Variants in ADAMTS20 observed in about 807,000 individuals in gnomAD.
ADAMTS20 encodes ADAM metallopeptidase with thrombospondin type 1 motif 20.
A neutral mutation model predicts 260.1 loss-of-function variants in ADAMTS20; 225 were observed. That is an observed-to-expected ratio of 0.87 (90% CI 0.78 to 0.97). The LOEUF (loss-of-function observed/expected upper bound fraction) is 0.97. Ranked by LOEUF, ADAMTS20 falls within the 50% of genes least tolerant of loss-of-function variation. The probability of loss-of-function intolerance (pLI) is 0.00; values close to 1 mark genes in which losing one functional copy is unlikely to be tolerated. For missense variants in ADAMTS20, 2,400 were observed against 2,337.7 expected (o/e 1.03, Z -0.55); for synonymous variants, 802 against 769.5 (o/e 1.04, Z -0.70).
At chr12:43,462,588 G>T (rs1199095370) in intron 11 of ADAMTS20, among the ~76,000 whole-genome samples, 1 of 151,984 alleles carries the variant, frequency 6.6e-6, no homozygotes, top group Non-Finnish European at 1.5e-5. Flanking sequence ...AAAATATTAG[G>T]ACTGTTATAT....
At chr12:43,353,639 C>T (rs1939681729), downstream of ADAMTS20, among the ~76,000 whole-genome samples, 1 of 151,888 alleles carries the variant, frequency 6.6e-6, no homozygotes, top group Non-Finnish European at 1.5e-5. Context: ...GCCCCATAAT[C>T]CACAAGCAAA....
rs147640517 is a variant in ADAMTS20 at position 43,515,338 on chromosome 12, T to C, written c.614-12933A>G. Reference sequence around the variant, plus strand: ...TTCAAATAATTTGATGAAATATTAGTATGAGCTTTTCCTTTTGTTATTAAC... The same window carrying C: ...TTCAAATAATTTGATGAAATATTAGCATGAGCTTTTCCTTTTGTTATTAAC... On this transcript the variant is annotated intron_variant, in intron 3 of 38. Coordinates refer to ENST00000389420, the MANE Select transcript of ADAMTS20 (RefSeq NM_025003.5). Among the ~76,000 whole-genome samples the C allele has an allele frequency of 4.7e-4, 71 of 152,360 alleles. 2 individuals carry two copies. Among genetic ancestry groups the C allele is most frequent in the African/African-American group, 1.6e-3 (66 of 41,598 alleles).
At chr12:43,451,045 A>G (rs1941855555) in intron 14 of ADAMTS20, among the ~76,000 whole-genome samples, 1 of 152,174 alleles carries the variant, frequency 6.6e-6, no homozygotes, top group Non-Finnish European at 1.5e-5. Flanking sequence ...CCATCAGTGG[A>G]TGCATGGATT....
chr12:43,414,650 C>T (rs949209183), intron 28 of ADAMTS20, among the ~76,000 whole-genome samples: 30 of 152,058 alleles, frequency 2.0e-4, no homozygotes, highest in African/African-American at 7.0e-4. Flanking sequence ...GACACACTCA[C>T]TAGAATTGCT....
intron 29 of ADAMTS20, among the ~76,000 whole-genome samples, chr12:43,397,716 G>A (rs1340733803): frequency 1.2e-4 from 19 of 152,122 alleles, no homozygotes; most frequent in Admixed American, 1.2e-3. Context: ...TTTATTTGAT[G>A]AACATTCAAT....
At chr12:43,448,038 C>T (rs1280405589) in intron 14 of ADAMTS20, among the ~76,000 whole-genome samples, 1 of 152,152 alleles carries the variant, frequency 6.6e-6, no homozygotes, top group African/African-American at 2.4e-5. Flanking sequence ...TAGGAAGAAT[C>T]AATATCATTA....
chr12:43,387,922 C>T (rs148221651), intron 29 of ADAMTS20, among the ~76,000 whole-genome samples: 1 of 152,072 alleles, frequency 6.6e-6, no homozygotes, highest in Non-Finnish European at 1.5e-5. Flanking sequence ...GACTGCCGTG[C>T]TGGCAGCAAG....
chr12:43,446,897 T>C (rs915269494), intron 14 of ADAMTS20, 185 bp from the exon 15 acceptor site: 4 of 568,406 alleles, frequency 7.0e-6, no homozygotes, highest in African/African-American at 1.9e-5. Context: ...CTAGAAGAAA[T>C]GGATAAACTC....
At chr12:43,359,538 T>C (rs1009175173) in intron 37 of ADAMTS20, among the ~76,000 whole-genome samples, 1 of 152,208 alleles carries the variant, frequency 6.6e-6, no homozygotes, top group African/African-American at 2.4e-5. Flanking sequence ...TGGATTTAAA[T>C]AGTCGTAATA....
intron 16 of ADAMTS20, among the ~76,000 whole-genome samples, 174 bp from the exon 17 acceptor site, chr12:43,440,243 G>A (rs1450805271): frequency 6.7e-6 from 1 of 149,396 alleles, no homozygotes; most frequent in African/African-American, 2.5e-5. Context: ...TCGCCTCTTG[G>A]ATTCAAACAA....
At position 43,440,010 on chromosome 12, in the gene ADAMTS20, T is replaced by G. The variant is rs1025659718; in HGVS notation, c.2350A>C (p.Lys784Gln). Residue 784 changes from lysine to glutamine, a missense_variant, in exon 17 of 39, where the codon AAA (lysine) becomes CAA (glutamine). Lys to Gln is a moderately conservative substitution (Grantham distance 53, BLOSUM62 1). Transcript: ENST00000389420. ...FNGNFLLSTS[K>Q]KEINVQGTRT... The stretch of plus-strand genomic sequence containing the variant: ...GTTCCTTGCACATTGATTTCTTTTT[T>G]TGACGTACTTAGAAGAAAATTTCCA... 5 of 1,576,612 alleles carry G rather than the reference T, an allele frequency of 3.2e-6. No homozygotes were observed. In the African/African-American group the frequency reaches 6.7e-5, roughly 21 times the overall value.
At chr12:43,399,323 C>T (rs931383593) in intron 28 of ADAMTS20, 90 bp from the exon 29 acceptor site, 2 of 1,100,760 alleles carry the variant, frequency 1.8e-6, no homozygotes, top group African/African-American at 1.6e-5. Context: ...ACAATCCACA[C>T]ATAATTCCTT....
At chr12:43,499,267 A>T (rs946517067) in intron 4 of ADAMTS20, among the ~76,000 whole-genome samples, 2 of 152,184 alleles carry the variant, frequency 1.3e-5, no homozygotes, top group Non-Finnish European at 2.9e-5. Context: ...TCTGTCTTCA[A>T]CAGAAACCTG....
intron 15 of ADAMTS20, among the ~76,000 whole-genome samples, chr12:43,444,988 C>T (rs1157695311): frequency 6.6e-6 from 1 of 152,050 alleles, no homozygotes; most frequent in Non-Finnish European, 1.5e-5. Context: ...AGGTTATTGA[C>T]CTACAAGAAT....
At chr12:43,428,948 G>C (rs1460226627) in intron 24 of ADAMTS20, 149 bp from the exon 25 acceptor site, 4 of 640,268 alleles carry the variant, frequency 6.2e-6, no homozygotes, top group Non-Finnish European at 7.1e-6. Context: ...CATCACTTCT[G>C]AGTCAAATAA....
intron 29 of ADAMTS20, among the ~76,000 whole-genome samples, chr12:43,394,407 C>T (rs1395975486): frequency 6.6e-6 from 1 of 152,074 alleles, no homozygotes; most frequent in Non-Finnish European, 1.5e-5. Flanking sequence ...GTGCCCAACA[C>T]TTTGAACATC....
chr12:43,548,640 A>G (rs1445958952), intron 2 of ADAMTS20, among the ~76,000 whole-genome samples: 2 of 152,186 alleles, frequency 1.3e-5, no homozygotes, highest in Non-Finnish European at 2.9e-5. Context: ...TAGTGCTAAT[A>G]TAAAAAAAGC....
intron 36 of ADAMTS20, among the ~76,000 whole-genome samples, chr12:43,371,963 G>GC (rs2137203824): frequency 6.6e-6 from 1 of 152,312 alleles, no homozygotes; most frequent in African/African-American, 2.4e-5. Context: ...ATTATTGGTG[G>GC]CATTTACTGC....
chr12:43,473,836 C>T (rs1169647598), intron 7 of ADAMTS20, among the ~76,000 whole-genome samples: 2 of 28,274 alleles, frequency 7.1e-5, no homozygotes, highest in African/African-American at 1.3e-4. Context: ...GCATTCAAAG[C>T]AGTGTGTAGA....
Sources: allele counts gnomAD v4.1 joint callset (sites outside exome capture counted in the v4.1 genomes callset), GRCh38; gene constraint gnomAD v4.1.1; transcripts MANE v1.5; gene names NCBI Gene and HGNC (gene_info 2026-07-23, HGNC 2026-07-21).